The following CALHM4 variants were observed in gnomAD, a reference collection of about 807,000 sequenced individuals.
CALHM4 encodes the protein calcium homeostasis modulator protein 4.
CALHM4 carries 16 observed loss-of-function variants against 13.3 expected under a neutral mutation model. The observed-to-expected ratio is 1.20, with a 90% CI of 0.81 to 1.82. CALHM4 has a LOEUF of 1.82. Among genes scored for constraint, CALHM4 ranks in the 40% most tolerant of loss-of-function variants. The pLI is 0.00. For synonymous variants in CALHM4, 127 were observed against 137.1 expected, an observed-to-expected ratio of 0.93 and a Z score of 0.52; for missense variants, 344 against 374.9, an observed-to-expected ratio of 0.92 and a Z score of 0.68.
chr6:116,530,993 G>A (rs1772683327), intron 1 of CALHM4, among the ~76,000 whole-genome samples: 1 of 142,760 alleles, frequency 7.0e-6, no homozygotes, highest in Admixed American at 7.2e-5. Context: ...CAATTACTTT[G>A]CCCTGTTTTG....
At chr6:116,544,151 A>AAGAGAGAGAGAG (rs141606346) in intron 2 of CALHM4, among the ~76,000 whole-genome samples, 12,130 of 132,430 alleles carry the variant, frequency 0.092, 967 homozygotes, top group East Asian at 0.35. Context: ...AAAGGTGAAG[A>AAGAGAGAGAGAG]AGAGAGAGAG....
intron 1 of CALHM4, among the ~76,000 whole-genome samples, chr6:116,535,935 T>G (rs888861247): frequency 6.6e-6 from 1 of 152,168 alleles, no homozygotes; most frequent in Non-Finnish European, 1.5e-5. Context: ...ATGGGGCTAA[T>G]GATAGATGAT....
chr6:116,529,184 G>A (rs933364797), exon 1 of CALHM4: 3 of 152,216 alleles, frequency 2.0e-5, no homozygotes, highest in Non-Finnish European at 2.9e-5. Context: ...CTTCAGCTCT[G>A]TGCGTGGTAA....
chr6:116,560,192 G>A lies in CALHM4; in HGVS notation c.*1981G>A, dbSNP rs368580561. ...AACTGATAATTTTTTATATTCTTCT[G>A]TATTGGAACATACTAGTTAAATGAA... On this transcript the variant is annotated 3_prime_UTR_variant, in exon 2 of 2. Transcript: ENST00000368596. Among the ~76,000 whole-genome samples the A allele has an allele frequency of 6.6e-6, 1 of 152,028 alleles. No individual in the cohort carries two copies. Among genetic ancestry groups the A allele is most frequent in the East Asian group, 1.9e-4 (1 of 5,198 alleles).
At chr6:116,551,304 T>A (rs572986635), upstream of CALHM4, among the ~76,000 whole-genome samples, 1 of 152,356 alleles carries the variant, frequency 6.6e-6, no homozygotes, top group African/African-American at 2.4e-5. Context: ...TATTCCTTTG[T>A]AATCCCTCTC....
upstream of CALHM4, among the ~76,000 whole-genome samples, chr6:116,549,842 G>A (rs1773969931): frequency 1.3e-5 from 2 of 150,882 alleles, no homozygotes; most frequent in Non-Finnish European, 3.0e-5. Context: ...TGGGCATGGT[G>A]GTGCATGCCT....
intron 1 of CALHM4, among the ~76,000 whole-genome samples, chr6:116,554,585 T>C (rs1169525777): frequency 1.3e-5 from 2 of 152,178 alleles, no homozygotes; most frequent in Non-Finnish European, 2.9e-5. Flanking sequence ...TGCAAAACCT[T>C]GAGTAAAATG....
chr6:116,544,187 T>C, intron 2 of CALHM4, among the ~76,000 whole-genome samples: 1 of 91,554 alleles, frequency 1.1e-5, no homozygotes. Flanking sequence ...GAGAGAATGA[T>C]GAGATTGTTG....
intron 1 of CALHM4, chr6:116,543,329 T>G: frequency 6.5e-7 from 1 of 1,549,598 alleles, no homozygotes. Context: ...GGTTCACATC[T>G]TCATCCTTCT....
chr6:116,549,292 T>TAC (rs1773943667), upstream of CALHM4, among the ~76,000 whole-genome samples: 1 of 152,150 alleles, frequency 6.6e-6, no homozygotes, highest in African/African-American at 2.4e-5. Context: ...TCTCAAAATG[T>TAC]ACATATATGT....
intron 1 of CALHM4, among the ~76,000 whole-genome samples, chr6:116,541,905 A>G (rs913198224): frequency 6.6e-6 from 1 of 152,206 alleles, no homozygotes; most frequent in African/African-American, 2.4e-5. Flanking sequence ...TCTCAGCAGA[A>G]GCTATTAAGG....
rs1773737539 is a variant in CALHM4, at chr6:116,545,623, C to A, written c.-1+1751C>A. The A allele has an allele frequency of 6.1e-6, 6 of 981,784 alleles. No individual in the cohort carries two copies. The East Asian group carries it at 1.4e-4, about 23-fold the overall frequency. The allele number at this position is 981,784 out of a possible 1,614,324, so 60.8% of individuals were successfully genotyped here. A position where few individuals can be genotyped will look rare whatever the true frequency, so the allele number is the denominator to read the frequency against. On this transcript the variant is annotated intron_variant, in intron 2 of 2. Coordinates refer to the CALHM4 transcript ENST00000368597. ...TTTTGTTTTTGTAAGCTCTTCCTCG[C>A]TTTGAGACAGGAGTGCTGCTTCTGC...
upstream of CALHM4, among the ~76,000 whole-genome samples, chr6:116,549,955 G>A (rs1319301565): frequency 1.4e-5 from 2 of 139,918 alleles, no homozygotes; most frequent in Non-Finnish European, 3.0e-5. Flanking sequence ...CAGACTGGAC[G>A]ACAAGAGCAA....
chr6:116,534,386 T>C (rs7769839), intron 1 of CALHM4, among the ~76,000 whole-genome samples: 26,003 of 152,170 alleles, frequency 0.17, 2,340 homozygotes, highest in East Asian at 0.35. Flanking sequence ...TCAGGAGTTT[T>C]GGCTTGAAAT....
At chr6:116,542,201 A>AGAC (rs1315308807) in intron 1 of CALHM4, among the ~76,000 whole-genome samples, 3 of 152,304 alleles carry the variant, frequency 2.0e-5, no homozygotes, top group African/African-American at 7.2e-5. Context: ...AGCTATAGAC[A>AGAC]GACAGTTCAG....
chr6:116,543,181 T>C (rs889799057), intron 1 of CALHM4: 7 of 661,318 alleles, frequency 1.1e-5, no homozygotes, highest in Middle Eastern at 3.6e-4. Flanking sequence ...CTTTCAGATG[T>C]GATTAATTGA....
upstream of CALHM4, among the ~76,000 whole-genome samples, chr6:116,550,443 C>A (rs1277828798): frequency 6.6e-6 from 1 of 152,146 alleles, no homozygotes; most frequent in African/African-American, 2.4e-5. Flanking sequence ...AATCTCTCCA[C>A]ACCTTAGTCC....
chr6:116,544,956 G>A (rs973938576), intron 2 of CALHM4, among the ~76,000 whole-genome samples: 1 of 151,854 alleles, frequency 6.6e-6, no homozygotes, highest in Non-Finnish European at 1.5e-5. Flanking sequence ...AAAAAATAAG[G>A]TTTATAAATA....
At chr6:116,548,017 C>T (rs1441708126) in intron 2 of CALHM4, among the ~76,000 whole-genome samples, 2 of 152,174 alleles carry the variant, frequency 1.3e-5, no homozygotes, top group Non-Finnish European at 2.9e-5. Context: ...GTTGTATGAT[C>T]ACCCGCAAAC....
Sources: gnomAD v4.1 joint callset for allele counts (sites outside exome capture counted in the v4.1 genomes callset) on GRCh38, gnomAD v4.1.1 for gene constraint, MANE v1.5 for transcripts, NCBI Gene and HGNC (gene_info 2026-07-23, HGNC 2026-07-21) for gene names.